The following NRG1 variants were observed in gnomAD, a reference collection of about 807,000 sequenced individuals.
NRG1 encodes pro-neuregulin-1, membrane-bound isoform.
A neutral mutation model predicts 63.8 loss-of-function variants in NRG1; 18 were observed. That is an observed-to-expected ratio of 0.28 (90% CI 0.19 to 0.42). NRG1 has a LOEUF of 0.42. NRG1 is among the 10% of genes least tolerant of loss of function. The pLI, the probability that NRG1 is intolerant of heterozygous loss-of-function variation, is 1.00. For missense variants in NRG1, 762 were observed against 814.7 expected (o/e 0.94, Z 0.79); for synonymous variants, 302 against 301.3 (o/e 1.00, Z -0.02).
intron 1 of NRG1, among the ~76,000 whole-genome samples, chr8:32,534,531 T>G (rs1004886862): frequency 6.6e-6 from 1 of 152,186 alleles, no homozygotes; most frequent in Admixed American, 6.5e-5. Context: ...CACAGATATT[T>G]TCAAAACATG....
chr8:32,264,292 T>C (rs536585709), intron 1 of NRG1, among the ~76,000 whole-genome samples: 3 of 152,184 alleles, frequency 2.0e-5, no homozygotes, highest in East Asian at 3.9e-4. Flanking sequence ...GTCACATAAA[T>C]ATATAAATGT....
intron 1 of NRG1, among the ~76,000 whole-genome samples, chr8:32,324,923 T>C (rs1314459260): frequency 1.3e-5 from 2 of 152,196 alleles, no homozygotes; most frequent in African/African-American, 4.8e-5. Flanking sequence ...CTCATTAATG[T>C]CAACTGTAAA....
intron 1 of NRG1, among the ~76,000 whole-genome samples, chr8:32,214,084 GT>G (rs1844969870): frequency 6.6e-6 from 1 of 152,174 alleles, no homozygotes; most frequent in African/African-American, 2.4e-5. Context: ...AGGGTCTAGA[GT>G]TGTCTCTGAT....
Position 32,385,260 on chromosome 8 carries a change from C to T in NRG1, c.38-210568C>T, listed in dbSNP as rs112727107. Among the ~76,000 whole-genome samples the T allele has an allele frequency of 2.5e-3, 383 of 152,122 alleles. 3 individuals are homozygous for T. The highest frequency in any genetic ancestry group is 9.0e-3 in the African/African-American group (372 of 41,506). Reference sequence around the variant, plus strand: ...CCAGGATCGTCTCGGTCTCCTGACTCGTGATCCACCCGCCTTGGCCTCCCA... The same window carrying T: ...CCAGGATCGTCTCGGTCTCCTGACTTGTGATCCACCCGCCTTGGCCTCCCA... On this transcript the variant is annotated intron_variant, in intron 1 of 10. Coordinates refer to the NRG1 transcript ENST00000519301.
chr8:31,897,985 C>G (rs537621549), intron 1 of NRG1, among the ~76,000 whole-genome samples: 1 of 146,598 alleles, frequency 6.8e-6, no homozygotes, highest in South Asian at 2.2e-4. Context: ...CCATTGCACT[C>G]CAGCCTGGGT....
At chr8:32,319,646 T>G (rs1801149174) in intron 1 of NRG1, among the ~76,000 whole-genome samples, 1 of 152,158 alleles carries the variant, frequency 6.6e-6, no homozygotes, top group African/African-American at 2.4e-5. Context: ...TCAAAGGATT[T>G]TTTTAAATTA....
intron 1 of NRG1, among the ~76,000 whole-genome samples, chr8:32,295,034 A>G (rs1854668017): frequency 6.6e-6 from 1 of 152,160 alleles, no homozygotes; most frequent in African/African-American, 2.4e-5. Context: ...TTACTGTTAA[A>G]TGTCATATTA....
intron 1 of NRG1, among the ~76,000 whole-genome samples, chr8:31,761,546 A>G (rs1157174123): frequency 3.9e-5 from 6 of 152,102 alleles, no homozygotes; most frequent in Admixed American, 2.0e-4. Context: ...AGGGTTATTA[A>G]TTGTTTTAAT....
At chr8:31,830,463 G>A (rs767217610) in intron 1 of NRG1, among the ~76,000 whole-genome samples, 8 of 151,608 alleles carry the variant, frequency 5.3e-5, no homozygotes, top group Admixed American at 1.3e-4. Context: ...AGATCAGCTG[G>A]GACAACTTAA....
intron 5 of NRG1, among the ~76,000 whole-genome samples, chr8:32,666,181 C>A (rs541473595): frequency 6.6e-6 from 1 of 152,130 alleles, no homozygotes; most frequent in African/African-American, 2.4e-5. Flanking sequence ...TTTTGTTCTG[C>A]TTACTTCTTC....
At chr8:32,696,584 G>A (rs1472659141) in intron 5 of NRG1, among the ~76,000 whole-genome samples, 1 of 150,656 alleles carries the variant, frequency 6.6e-6, no homozygotes, top group East Asian at 2.0e-4. Flanking sequence ...TTTTTCACAA[G>A]TTAATTGAAG....
chr8:32,511,494 A>C (rs560983174), intron 1 of NRG1, among the ~76,000 whole-genome samples: 92 of 150,744 alleles, frequency 6.1e-4, no homozygotes, highest in Non-Finnish European at 1.2e-3. Context: ...ACTTTTTCTC[A>C]TTATTTTTCA....
intron 1 of NRG1, among the ~76,000 whole-genome samples, chr8:32,377,315 C>A (rs1248300023): frequency 6.6e-6 from 1 of 152,148 alleles, no homozygotes; most frequent in Non-Finnish European, 1.5e-5. Context: ...TAATTTTCAA[C>A]CAGAGCTAAC....
At position 32,282,862 on chromosome 8, in the gene NRG1, C is replaced by A. The variant is rs909648436; in HGVS notation, c.38-312966C>A. ...ATTCATACTTGTAAAAAAAGTGTAT[C>A]CATTGTTTTAGAAAAGGGGAAAATA... On this transcript the variant is annotated intron_variant, in intron 1 of 10. Coordinates refer to the NRG1 transcript ENST00000519301. 4.6e-5 allele frequency among the ~76,000 whole-genome samples: 7 copies of A among 151,986 alleles called. No homozygotes were observed. In the East Asian group the frequency reaches 7.7e-4, roughly 17 times the overall value.
intron 1 of NRG1, among the ~76,000 whole-genome samples, chr8:32,399,327 C>T (rs528350952): frequency 2.6e-5 from 4 of 152,158 alleles, no homozygotes; most frequent in Non-Finnish European, 5.9e-5. Context: ...TTCTGAGACA[C>T]GTATTTAAAA....
rs571128246 is a variant in NRG1, at chr8:32,245,630, T to A, written c.38-350198T>A. 2.0e-4 allele frequency among the ~76,000 whole-genome samples: 30 copies of A among 152,320 alleles called. 1 individual carries two copies. In the East Asian group the frequency reaches 5.6e-3, roughly 28 times the overall value. On this transcript the variant is annotated intron_variant, in intron 1 of 10. Coordinates refer to the NRG1 transcript ENST00000519301. ...TGAAACAAAACATTTCTCTCTATAG[T>A]CACCCCTCTTTTGATCAAAAATAAT...
chr8:32,644,947 C>T (rs1853201371), intron 5 of NRG1, among the ~76,000 whole-genome samples: 1 of 152,034 alleles, frequency 6.6e-6, no homozygotes, highest in African/African-American at 2.4e-5. Flanking sequence ...CTTGAGGCCA[C>T]CTGAACCCCA....
At chr8:32,584,860 TG>T (rs1192048162) in intron 1 of NRG1, among the ~76,000 whole-genome samples, 2 of 152,242 alleles carry the variant, frequency 1.3e-5, no homozygotes, top group Non-Finnish European at 2.9e-5. Flanking sequence ...TAGTTATCAT[TG>T]TTTAAAACTA....
upstream of NRG1, among the ~76,000 whole-genome samples, chr8:32,544,958 T>C (rs1832933291): frequency 6.9e-6 from 1 of 144,406 alleles, no homozygotes; most frequent in South Asian, 2.2e-4. Context: ...TTTGTTGCAG[T>C]TTTTAAAAAA....
Sources: gnomAD v4.1 joint callset for allele counts (sites outside exome capture counted in the v4.1 genomes callset) on GRCh38, gnomAD v4.1.1 for gene constraint, MANE v1.5 for transcripts, NCBI Gene and HGNC (gene_info 2026-07-23, HGNC 2026-07-21) for gene names.